PXMP4: variants seen among roughly 807,000 people sequenced by gnomAD.
PXMP4 encodes peroxisomal membrane protein 4.
A neutral mutation model predicts 21.6 loss-of-function variants in PXMP4; 16 were observed. That is an observed-to-expected ratio of 0.74 (90% CI 0.50 to 1.13). The LOEUF is 1.13. PXMP4 is among the 50% of genes most tolerant of loss of function. The probability of loss-of-function intolerance (pLI) is 0.00; values close to 1 mark genes in which losing one functional copy is unlikely to be tolerated. For synonymous variants in PXMP4, 127 were observed against 123.8 expected (o/e 1.03, Z -0.17); for missense variants, 240 against 277.7 (o/e 0.86, Z 0.96).
At chr20:33,711,800 T>A (rs2018328757) in intron 2 of PXMP4, among the ~76,000 whole-genome samples, 1 of 152,006 alleles carries the variant, frequency 6.6e-6, no homozygotes, top group African/African-American at 2.4e-5. Context: ...CAGACCAGCC[T>A]GGGCAACATA....
intron 3 of PXMP4, 125 bp from the exon 4 acceptor site, chr20:33,708,094 T>G: frequency 2.6e-6 from 3 of 1,135,850 alleles, no homozygotes; most frequent in South Asian, 3.6e-5. Flanking sequence ...GTTTATTTAT[T>G]TTAATTATCT....
In PXMP4 at chr20:33,706,556, T is replaced by C. The variant is rs1200074354; in HGVS notation, c.*1150A>G. ...TCCAGTGAGGACCACGGCATTATGA[T>C]TATCCTCATTTTATGATAAATTGAG... is the stretch of plus-strand genomic sequence containing the variant. On this transcript the variant is annotated 3_prime_UTR_variant, in exon 4 of 4. Transcript: ENST00000409299. 6.6e-6 allele frequency: 1 copy of C among 152,174 alleles called. No homozygotes were observed. Among genetic ancestry groups the C allele is most frequent in the African/African-American group, 2.4e-5 (1 of 41,444 alleles). 9.4% of individuals were successfully genotyped at this position (152,174 alleles called of 1,614,324 possible).
chr20:33,717,639 C>CAAAAAAAAAAAAAAAAAAAA (rs10666719), intron 1 of PXMP4, among the ~76,000 whole-genome samples: 2 of 56,546 alleles, frequency 3.5e-5, no homozygotes, highest in African/African-American at 1.7e-4. Context: ...GACTCCGTCT[C>CAAAAAAAAAAAAAAAAAAAA]AAAAAAAAAA....
At chr20:33,708,463 A>G (rs1367423666) in intron 3 of PXMP4, among the ~76,000 whole-genome samples, 3 of 151,888 alleles carry the variant, frequency 2.0e-5, no homozygotes, top group Non-Finnish European at 4.4e-5. Context: ...CTGGGATTAC[A>G]GGTGGGAGCC....
At chr20:33,708,682 T>C (rs1328229338) in intron 3 of PXMP4, among the ~76,000 whole-genome samples, 2 of 151,760 alleles carry the variant, frequency 1.3e-5, no homozygotes, top group Non-Finnish European at 2.9e-5. Context: ...GGCTAAAAAA[T>C]GGTAAAATTT....
chr20:33,715,820 C>T (rs973315094), intron 1 of PXMP4, among the ~76,000 whole-genome samples: 4 of 150,126 alleles, frequency 2.7e-5, no homozygotes, highest in African/African-American at 9.8e-5. Context: ...TCCATCCTGA[C>T]GTTCTCACTG....
chr20:33,708,322 G>T (rs1364840390), intron 3 of PXMP4, among the ~76,000 whole-genome samples: 1 of 151,698 alleles, frequency 6.6e-6, no homozygotes. Context: ...GAGTAGCTGG[G>T]ATTACAGGTG....
chr20:33,717,330 T>C (rs2018393361), intron 1 of PXMP4, among the ~76,000 whole-genome samples: 1 of 152,194 alleles, frequency 6.6e-6, no homozygotes, highest in South Asian at 2.1e-4. Flanking sequence ...TATGATTAAG[T>C]ACTGCTTTTA....
chr20:33,714,876 A>G (rs2018368054), intron 1 of PXMP4, 140 bp from the exon 2 acceptor site: 11 of 814,862 alleles, frequency 1.3e-5, no homozygotes, highest in Admixed American at 6.1e-5. Flanking sequence ...CTGGATGCAA[A>G]TCCTGGCTCT....
chr20:33,710,521 C>A, intron 3 of PXMP4, 34 bp downstream of exon 3: 6 of 1,455,736 alleles, frequency 4.1e-6, no homozygotes, highest in Non-Finnish European at 5.6e-6. Context: ...GAACCACGCC[C>A]CCTTCACTAC....
intron 3 of PXMP4, among the ~76,000 whole-genome samples, chr20:33,709,603 G>A (rs2122581511): frequency 6.6e-6 from 1 of 152,134 alleles, no homozygotes; most frequent in East Asian, 1.9e-4. Context: ...AGGTCACAGA[G>A]GGACTGGTGA....
chr20:33,711,487 G>A (rs1202181370), intron 2 of PXMP4, among the ~76,000 whole-genome samples: 1 of 152,150 alleles, frequency 6.6e-6, no homozygotes, highest in African/African-American at 2.4e-5. Context: ...GGAGGGTGCA[G>A]GGCAAAGACA....
chr20:33,712,700 G>A (rs749429259), intron 2 of PXMP4, among the ~76,000 whole-genome samples: 2 of 152,184 alleles, frequency 1.3e-5, no homozygotes, highest in Non-Finnish European at 2.9e-5. Flanking sequence ...GCGCAATCTC[G>A]GCTCACTGCA....
At chr20:33,718,721 C>A (rs1187292257) in intron 1 of PXMP4, among the ~76,000 whole-genome samples, 1 of 151,868 alleles carries the variant, frequency 6.6e-6, no homozygotes, top group African/African-American at 2.4e-5. Context: ...GCTGTGGCCA[C>A]GAGCAATGGG....
At chr20:33,710,994 A>C (rs6142004) in intron 2 of PXMP4, among the ~76,000 whole-genome samples, 8,671 of 151,926 alleles carry the variant, frequency 0.057, 271 homozygotes, top group South Asian at 0.08. Flanking sequence ...CCTGACCCTA[A>C]TTTTCTTTTC....
intron 2 of PXMP4, among the ~76,000 whole-genome samples, chr20:33,711,988 A>G: frequency 1.3e-5 from 2 of 152,124 alleles, no homozygotes; most frequent in East Asian, 3.9e-4. Flanking sequence ...AAATTAAAAA[A>G]AAAAAAAAAA....
In PXMP4 at chr20:33,710,734, C is replaced by T; in HGVS notation, c.196G>A (p.Ala66Thr). The stretch of plus-strand genomic sequence containing the variant: ...TGGATATATGTGGCCTGCAGTATGG[C>T]CCACAGCTTCTCCTGGAGGCTGCAC... ...RNGSLQEKLWAILQATYIHSW... is the reference protein window; with the variant it reads ...RNGSLQEKLWTILQATYIHSW... The change falls in exon 3 of 4, where the codon GCC (alanine) becomes ACC (threonine). Residue 66 changes from alanine (A) to threonine (T), a missense_variant. Transcript: ENST00000409299. The T allele has an allele frequency of 6.2e-7, 1 of 1,609,676 alleles. No homozygotes were observed. Among genetic ancestry groups the T allele is most frequent in the Non-Finnish European group, 8.5e-7 (1 of 1,177,218 alleles).
chr20:33,717,732 C>T (rs1568922793), intron 1 of PXMP4, among the ~76,000 whole-genome samples: 1 of 151,854 alleles, frequency 6.6e-6, no homozygotes. Flanking sequence ...CTTCCCCCAC[C>T]CTTCCTTTCC....
intron 2 of PXMP4, among the ~76,000 whole-genome samples, chr20:33,713,049 A>G (rs923477764): frequency 8.5e-5 from 13 of 152,262 alleles, no homozygotes; most frequent in African/African-American, 2.9e-4. Context: ...GGCGTGAGCC[A>G]CTGCGCCTGG....
Sources: allele counts gnomAD v4.1 joint callset (sites outside exome capture counted in the v4.1 genomes callset), GRCh38; gene constraint gnomAD v4.1.1; transcripts MANE v1.5; gene names NCBI Gene and HGNC (gene_info 2026-07-23, HGNC 2026-07-21).